The following CLRN1 variants were observed in gnomAD, a reference collection of about 807,000 sequenced individuals.
CLRN1 encodes the protein clarin-1.
CLRN1 carries 15 observed loss-of-function variants against 18.7 expected under a neutral mutation model. That is an observed-to-expected ratio of 0.80 (90% CI 0.54 to 1.23). The LOEUF (loss-of-function observed/expected upper bound fraction) is 1.23. Among genes scored for constraint, CLRN1 ranks in the 50% most tolerant of loss-of-function variants. The probability of loss-of-function intolerance (pLI) is 0.00; values close to 1 mark genes in which losing one functional copy is unlikely to be tolerated. For missense variants in CLRN1, 311 were observed against 277.5 expected, an observed-to-expected ratio of 1.12 and a Z score of -0.86; for synonymous variants, 104 against 102.9, an observed-to-expected ratio of 1.01 and a Z score of -0.07.
In CLRN1 at chr3:150,972,569, A is replaced by C. The variant is rs1374754022; in HGVS notation, c.140T>G (p.Val47Gly). 6.2e-7 allele frequency: 1 copy of C among 1,614,122 alleles called. No homozygotes were observed. The highest frequency in any genetic ancestry group is 8.5e-7 in the Non-Finnish European group (1 of 1,180,048). The change falls in exon 1 of 3, where the codon GTC becomes GGC. Residue 47 changes from valine to glycine, a missense_variant. Val to Gly is a moderately radical substitution (Grantham distance 109). Coordinates refer to ENST00000327047, the MANE Select transcript of CLRN1 (RefSeq NM_174878.3). ...TVLCKTGALL[V>G]NASGQELDKF... ...GTCCAGCTCCTGCCCTGAGGCATTGACGAGCAGAGCTCCCGTTTTGCAGAG... is the reference window on the plus strand; with the variant it reads ...GTCCAGCTCCTGCCCTGAGGCATTGCCGAGCAGAGCTCCCGTTTTGCAGAG...
intron 1 of CLRN1, among the ~76,000 whole-genome samples, chr3:150,969,588 A>G (rs1715437384): frequency 1.3e-5 from 2 of 151,934 alleles, no homozygotes; most frequent in South Asian, 4.1e-4. Flanking sequence ...TGGCCTCCCA[A>G]AAGTTGGGAT....
chr3:150,934,418 G>T (rs977138959), intron 2 of CLRN1, among the ~76,000 whole-genome samples: 4 of 152,192 alleles, frequency 2.6e-5, no homozygotes, highest in Non-Finnish European at 5.9e-5. Context: ...TGTAAGAGAA[G>T]CTATATGTAA....
chr3:150,971,656 A>G (rs1715539134), intron 1 of CLRN1, among the ~76,000 whole-genome samples: 1 of 152,204 alleles, frequency 6.6e-6, no homozygotes, highest in South Asian at 2.1e-4. Context: ...TGAAATAATA[A>G]TAACTTCTGA....
chr3:150,939,114 G>T (rs1559981457), intron 2 of CLRN1, among the ~76,000 whole-genome samples: 1 of 152,282 alleles, frequency 6.6e-6, no homozygotes, highest in East Asian at 1.9e-4. Context: ...GCTTTATGAT[G>T]CCAGGTCAAG....
At chr3:150,952,053 C>T (rs944818150) in intron 1 of CLRN1, among the ~76,000 whole-genome samples, 1 of 152,112 alleles carries the variant, frequency 6.6e-6, no homozygotes, top group Non-Finnish European at 1.5e-5. Flanking sequence ...TGTTAAAGGT[C>T]GCAGATGCTG....
At chr3:150,935,220 T>C (rs892863270) in intron 2 of CLRN1, among the ~76,000 whole-genome samples, 1 of 151,866 alleles carries the variant, frequency 6.6e-6, no homozygotes, top group Non-Finnish European at 1.5e-5. Flanking sequence ...TGTATACATG[T>C]GCCATGCTGG....
At chr3:150,959,707 C>T (rs2107979124) in intron 1 of CLRN1, among the ~76,000 whole-genome samples, 2 of 150,666 alleles carry the variant, frequency 1.3e-5, no homozygotes, top group East Asian at 3.9e-4. Flanking sequence ...TAAGTATGTT[C>T]CTTTATTGTC....
intron 2 of CLRN1, among the ~76,000 whole-genome samples, chr3:150,941,138 G>GTCTGTCTATCTATCTATCTATCTA (rs373144676): frequency 2.8e-5 from 4 of 141,502 alleles, no homozygotes; most frequent in Admixed American, 7.4e-5. Context: ...CTGTCTGTCT[G>GTCTGTCTATCTATCTATCTATCTA]TCTATCTATC....
At chr3:150,955,138 T>C (rs1239969416) in intron 1 of CLRN1, among the ~76,000 whole-genome samples, 2 of 152,166 alleles carry the variant, frequency 1.3e-5, no homozygotes, top group Non-Finnish European at 2.9e-5. Context: ...GAAGTCAGAC[T>C]CGAGAGGCTG....
chr3:150,943,876 A>G lies in CLRN1; in HGVS notation c.254-2115T>C, dbSNP rs763074344. On this transcript the variant is annotated intron_variant, in intron 1 of 2. Coordinates refer to ENST00000327047, the MANE Select transcript of CLRN1 (RefSeq NM_174878.3). ...TACTCCTCACAGCACTAAAGCAGCCAGCTGGTTCCTGCACTCGTTCACTCG... is the reference window on the plus strand; with the variant it reads ...TACTCCTCACAGCACTAAAGCAGCCGGCTGGTTCCTGCACTCGTTCACTCG... 3.7e-6 allele frequency: 6 copies of G among 1,614,142 alleles called. No homozygotes were observed. The East Asian group carries it at 1.3e-4, about 36-fold the overall frequency.
intron 1 of CLRN1, among the ~76,000 whole-genome samples, chr3:150,969,477 C>T (rs1168699678): frequency 3.3e-5 from 5 of 150,902 alleles, no homozygotes; most frequent in African/African-American, 4.8e-5. Context: ...CAGGCGCCCC[C>T]GCCACGCCCG....
rs34726423 is a variant in CLRN1, at chr3:150,957,238, TACACACAC to T, written c.253+15210_253+15217del. Among the ~76,000 whole-genome samples the T allele has an allele frequency of 2.5e-3, 368 of 147,054 alleles. 1 individual carries two copies. The highest frequency in any genetic ancestry group is 7.8e-3 in the African/African-American group (313 of 40,238). ...TTATACTCAAGGTCTTCCCATTTTA[TACACACAC>T]ACACACACACACACACACACACACA... On this transcript the variant is annotated intron_variant, in intron 1 of 2. Transcript: ENST00000327047.
Position 150,927,688 on chromosome 3 carries a change from G to A in CLRN1, c.*248C>T, listed in dbSNP as rs1302843270. 1.3e-5 allele frequency: 8 copies of A among 616,706 alleles called. No individual in the cohort carries two copies. The highest frequency in any genetic ancestry group is 2.4e-5 in the Non-Finnish European group (8 of 333,426). 38.2% of individuals were successfully genotyped at this position (616,706 alleles called of 1,614,324 possible). A position where few individuals can be genotyped will look rare whatever the true frequency, so the allele number is the denominator to read the frequency against. The stretch of plus-strand genomic sequence containing the variant: ...TATATATATGGAGTAACAATTTGTC[G>A]ATTCTAGTCAACTGCCTTTGACTAC... On this transcript the variant is annotated 3_prime_UTR_variant, in exon 3 of 3. Transcript: ENST00000327047.
At chr3:150,970,506 T>A (rs1715478802) in intron 1 of CLRN1, among the ~76,000 whole-genome samples, 2 of 127,592 alleles carry the variant, frequency 1.6e-5, no homozygotes, top group Admixed American at 1.7e-4. Context: ...AAAAGATACT[T>A]TTATGCTTAG....
intron 1 of CLRN1, among the ~76,000 whole-genome samples, chr3:150,952,812 G>A (rs957864772): frequency 5.9e-5 from 9 of 152,162 alleles, no homozygotes; most frequent in African/African-American, 1.9e-4. Flanking sequence ...AAAGCCAGAA[G>A]GTAAAATAAA....
rs590596 is a variant in CLRN1 at position 150,960,857 on chromosome 3, G to A, written c.253+11599C>T. ...CCCCAAATTAGGCAGCTTCACCCAC[G>A]CAGTCACAGACAGGGCCAGACAGCT... On this transcript the variant is annotated intron_variant, in intron 1 of 2. Coordinates refer to ENST00000327047, the MANE Select transcript of CLRN1 (RefSeq NM_174878.3). Among the ~76,000 whole-genome samples, 763 of 152,296 alleles carry A rather than the reference G, an allele frequency of 5.0e-3. 5 individuals carry two copies. Among genetic ancestry groups the A allele is most frequent in the South Asian group, 0.013 (61 of 4,820 alleles).
chr3:150,967,132 C>T (rs1413184870), intron 1 of CLRN1, among the ~76,000 whole-genome samples: 4 of 152,172 alleles, frequency 2.6e-5, no homozygotes, highest in Non-Finnish European at 4.4e-5. Context: ...CCTCTTTGGG[C>T]CATGCACTGT....
At chr3:150,951,351 T>A (rs9798934) in intron 1 of CLRN1, among the ~76,000 whole-genome samples, 1 of 140,202 alleles carries the variant, frequency 7.1e-6, no homozygotes, top group East Asian at 2.1e-4. Context: ...ATATATATAT[T>A]TTTTGAGACA....
intron 1 of CLRN1, chr3:150,943,760 C>T: frequency 6.2e-7 from 1 of 1,612,422 alleles, no homozygotes; most frequent in Non-Finnish European, 8.5e-7. Context: ...CCACAGATGG[C>T]AGAGCTACGA....
Sources: allele counts gnomAD v4.1 joint callset (sites outside exome capture counted in the v4.1 genomes callset), GRCh38; gene constraint gnomAD v4.1.1; transcripts MANE v1.5; gene names NCBI Gene and HGNC (gene_info 2026-07-23, HGNC 2026-07-21).